The following EXOC4 variants were observed in gnomAD, a reference collection of about 807,000 sequenced individuals.
The protein encoded by EXOC4 is exocyst complex component 4.
In EXOC4, 71 loss-of-function variants were observed where a neutral mutation model predicts 107.2. The observed-to-expected ratio is 0.66, with a 90% confidence interval of 0.55 to 0.81. The LOEUF is 0.81. EXOC4 is among the 30% of genes least tolerant of loss of function. EXOC4 has a pLI of 0.00. For synonymous variants in EXOC4, 456 were observed against 441.2 expected (o/e 1.03, Z -0.42); for missense variants, 1,108 against 1,189.6 (o/e 0.93, Z 1.01).
At chr7:133,974,828 A>T (rs1793790091) in intron 14 of EXOC4, among the ~76,000 whole-genome samples, 1 of 152,226 alleles carries the variant, frequency 6.6e-6, no homozygotes, top group Admixed American at 6.5e-5. Context: ...AATGAAAGTA[A>T]AAGTTGATGG....
At chr7:133,349,340 G>A (rs1795857285) in intron 5 of EXOC4, among the ~76,000 whole-genome samples, 1 of 151,900 alleles carries the variant, frequency 6.6e-6, no homozygotes, top group Admixed American at 6.6e-5. Context: ...CCAGCTCTTG[G>A]CAACCACCAT....
intron 9 of EXOC4, among the ~76,000 whole-genome samples, chr7:133,598,314 A>G (rs1160313670): frequency 1.3e-5 from 2 of 152,284 alleles, no homozygotes; most frequent in East Asian, 1.9e-4. Context: ...CAGATGATCA[A>G]TTACTTAGTA....
intron 10 of EXOC4, among the ~76,000 whole-genome samples, chr7:133,795,004 A>G (rs1041567443): frequency 1.4e-5 from 2 of 147,184 alleles, no homozygotes; most frequent in Admixed American, 6.9e-5. Context: ...CACACAATGG[A>G]TAGTTTTCAA....
At position 133,784,519 on chromosome 7, in the gene EXOC4, G is replaced by T. The variant is rs560726568; in HGVS notation, c.1515-32806G>T. On this transcript the variant is annotated intron_variant, in intron 10 of 17. Coordinates refer to ENST00000253861, the MANE Select transcript of EXOC4 (RefSeq NM_021807.4). The stretch of plus-strand genomic sequence containing the variant: ...TCTGGGGTCCGTTCTTCTTGTGTGT[G>T]GCGTTGCTGGTGAGCTCCATCAGGG... Among the ~76,000 whole-genome samples the T allele has an allele frequency of 5.9e-5, 9 of 152,262 alleles. No individual in the cohort carries two copies. In the South Asian group the frequency reaches 1.7e-3, roughly 28 times the overall value.
chr7:134,062,193 A>G (rs181185498), intron 17 of EXOC4, among the ~76,000 whole-genome samples: 1 of 152,312 alleles, frequency 6.6e-6, no homozygotes, highest in African/African-American at 2.4e-5. Context: ...ATCTACAAAG[A>G]GCACTTTCCA....
At chr7:133,378,039 G>A (rs940043308) in intron 7 of EXOC4, among the ~76,000 whole-genome samples, 4 of 151,820 alleles carry the variant, frequency 2.6e-5, no homozygotes, top group Non-Finnish European at 4.4e-5. Context: ...AGCCATGCGC[G>A]ATGGCTCATG....
intron 13 of EXOC4, among the ~76,000 whole-genome samples, chr7:133,917,985 C>CTT (rs779537433): frequency 7.7e-5 from 11 of 142,084 alleles, no homozygotes; most frequent in Admixed American, 7.0e-5. Flanking sequence ...ATTAAAATAT[C>CTT]TTTTTTTTTT....
chr7:133,744,095 A>ATAGC (rs1795625851), intron 10 of EXOC4, among the ~76,000 whole-genome samples: 1 of 152,098 alleles, frequency 6.6e-6, no homozygotes, highest in Non-Finnish European at 1.5e-5. Flanking sequence ...TTGCTGATAT[A>ATAGC]TAGCTGTTAA....
chr7:134,013,693 G>A (rs531145576), intron 17 of EXOC4, among the ~76,000 whole-genome samples: 2 of 152,096 alleles, frequency 1.3e-5, no homozygotes, highest in Non-Finnish European at 2.9e-5. Flanking sequence ...TAAAAATAAA[G>A]TCTATTAATA....
chr7:133,731,008 A>G (rs565017155), intron 10 of EXOC4, among the ~76,000 whole-genome samples: 1 of 152,274 alleles, frequency 6.6e-6, no homozygotes, highest in East Asian at 1.9e-4. Context: ...GGATTTAGGT[A>G]TTTTTTACTT....
At chr7:133,405,083 T>G (rs1268637194) in intron 7 of EXOC4, among the ~76,000 whole-genome samples, 1 of 152,070 alleles carries the variant, frequency 6.6e-6, no homozygotes, top group Admixed American at 6.6e-5. Flanking sequence ...CTAAAAAACA[T>G]TTTTAAAAAG....
intron 7 of EXOC4, among the ~76,000 whole-genome samples, chr7:133,402,569 G>A (rs972464434): frequency 3.3e-5 from 5 of 152,140 alleles, no homozygotes; most frequent in African/African-American, 1.2e-4. Context: ...CACCATCTTG[G>A]CTCACTGCAA....
At chr7:133,839,754 C>T (rs1045905407) in intron 11 of EXOC4, among the ~76,000 whole-genome samples, 1 of 152,164 alleles carries the variant, frequency 6.6e-6, no homozygotes, top group Admixed American at 6.5e-5. Flanking sequence ...TTAATTTGTT[C>T]ATTACTGCAG....
chr7:133,257,366 G>GCACACACACACA (rs35107499), intron 1 of EXOC4, among the ~76,000 whole-genome samples: 2 of 149,798 alleles, frequency 1.3e-5, no homozygotes, highest in African/African-American at 4.9e-5. Flanking sequence ...TTACACACAC[G>GCACACACACACA]CACACACACA....
At chr7:133,643,291 G>A (rs1417278856) in intron 10 of EXOC4, among the ~76,000 whole-genome samples, 1 of 150,334 alleles carries the variant, frequency 6.7e-6, no homozygotes, top group African/African-American at 2.4e-5. Flanking sequence ...CATGGGAGAA[G>A]ATGTAGGCTG....
chr7:134,011,972 C>T (rs1446918418), intron 17 of EXOC4, among the ~76,000 whole-genome samples: 1 of 151,472 alleles, frequency 6.6e-6, no homozygotes, highest in East Asian at 1.9e-4. Context: ...CAGGAAAGAA[C>T]GTCTAAGGGT....
intron 7 of EXOC4, among the ~76,000 whole-genome samples, chr7:133,436,793 C>T (rs1452706679): frequency 6.6e-6 from 1 of 152,162 alleles, no homozygotes; most frequent in Non-Finnish European, 1.5e-5. Flanking sequence ...TACCCTCCCC[C>T]TTTATTTTAG....
intron 7 of EXOC4, among the ~76,000 whole-genome samples, chr7:133,432,449 T>A (rs1797876913): frequency 6.6e-6 from 1 of 152,108 alleles, no homozygotes; most frequent in African/African-American, 2.4e-5. Context: ...GAACCTGGGG[T>A]TCATTGGACC....
intron 7 of EXOC4, among the ~76,000 whole-genome samples, chr7:133,387,087 G>A (rs1796745441): frequency 6.6e-6 from 1 of 152,166 alleles, no homozygotes; most frequent in African/African-American, 2.4e-5. Context: ...AGAATGGCCT[G>A]TGGACCCCAC....
Sources: allele counts gnomAD v4.1 joint callset (sites outside exome capture counted in the v4.1 genomes callset), GRCh38; gene constraint gnomAD v4.1.1; transcripts MANE v1.5; gene names NCBI Gene and HGNC (gene_info 2026-07-23, HGNC 2026-07-21).